GAN: variants seen among roughly 807,000 people sequenced by gnomAD.
GAN encodes the protein gigaxonin, also known as epididymis secretory sperm binding protein.
GAN carries 48 observed loss-of-function variants against 71.3 expected under a neutral mutation model. That is an observed-to-expected ratio of 0.67 (90% CI 0.53 to 0.86). GAN has a LOEUF of 0.86. GAN is among the 40% of genes least tolerant of loss of function. GAN has a pLI of 0.00. For synonymous variants in GAN, 386 were observed against 276.8 expected, an observed-to-expected ratio of 1.39 and a Z score of -3.92; for missense variants, 928 against 770.1, an observed-to-expected ratio of 1.21 and a Z score of -2.43.
intron 1 of GAN, among the ~76,000 whole-genome samples, chr16:81,330,389 C>T (rs1477158240): frequency 6.6e-6 from 1 of 152,232 alleles, no homozygotes; most frequent in African/African-American, 2.4e-5. Flanking sequence ...GTGCAGGGCA[C>T]AGGAGCCACC....
Position 81,363,697 on chromosome 16 carries a change from A to G in GAN, c.1087-97A>G, listed in dbSNP as rs1008448428. 7 of 1,293,860 alleles carry G rather than the reference A, an allele frequency of 5.4e-6. No homozygotes were observed. The East Asian group carries it at 1.2e-4, about 21-fold the overall frequency. The allele number at this position is 1,293,860 out of a possible 1,614,324, so 80.1% of individuals were successfully genotyped here. On this transcript the variant is annotated intron_variant, in intron 6 of 10. Transcript: ENST00000648994. ...GGAGTCCCCATTGTCTATTTTTGCCATCTTTATGTTTCTCTAATTTTTATT... is the reference window on the plus strand; with the variant it reads ...GGAGTCCCCATTGTCTATTTTTGCCGTCTTTATGTTTCTCTAATTTTTATT...
Position 81,386,566 on chromosome 16 carries a change from G to A in GAN, c.*8970G>A, listed in dbSNP as rs1164252158. The A allele has an allele frequency of 6.6e-6, 1 of 152,228 alleles. No individual in the cohort carries two copies. Among genetic ancestry groups the A allele is most frequent in the African/African-American group, 2.4e-5 (1 of 41,470 alleles). 9.4% of individuals were successfully genotyped at this position (152,228 alleles called of 1,614,324 possible). ...TTTTCCTGGTTAGGTTATGAGACTG[G>A]CAGAGGTAGGAGTATATAATGTGCT... is the stretch of plus-strand genomic sequence containing the variant. On this transcript the variant is annotated 3_prime_UTR_variant, in exon 11 of 11. Coordinates refer to ENST00000648994, the MANE Select transcript of GAN (RefSeq NM_022041.4).
At chr16:81,340,358 A>G (rs1437030657) in intron 1 of GAN, among the ~76,000 whole-genome samples, 1 of 152,216 alleles carries the variant, frequency 6.6e-6, no homozygotes, top group Non-Finnish European at 1.5e-5. Context: ...AAAATAAAAG[A>G]AAACAATAAA....
rs1909504715 is a variant in GAN, at chr16:81,329,580, A to G, written c.167+14300A>G. Among the ~76,000 whole-genome samples the G allele has an allele frequency of 2.6e-5, 4 of 152,310 alleles. No homozygotes were observed. The South Asian group carries it at 8.3e-4, about 32-fold the overall frequency. ...CTCCATCAAAACTGTTCTTTAAAAA[A>G]TTGCAGTGTATAATTGCCAAATCAA... On this transcript the variant is annotated intron_variant, in intron 1 of 10. Transcript: ENST00000648994.
At position 81,335,679 on chromosome 16, in the gene GAN, G is replaced by A. The variant is rs553841849; in HGVS notation, c.168-15904G>A. The stretch of plus-strand genomic sequence containing the variant: ...GGAGAATCGCTTGAACTCGGGAGGC[G>A]GAGGTTGCAGTGAGCCAAGATCACG... On this transcript the variant is annotated intron_variant, in intron 1 of 10. Coordinates refer to ENST00000648994, the MANE Select transcript of GAN (RefSeq NM_022041.4). Among the ~76,000 whole-genome samples the A allele has an allele frequency of 2.1e-4, 31 of 149,324 alleles. No individual in the cohort carries two copies. The South Asian group carries it at 2.7e-3, about 13-fold the overall frequency.
rs1040406974 is a variant in GAN, at chr16:81,380,102, C to G, written c.*2506C>G. 6.6e-6 allele frequency: 1 copy of G among 152,532 alleles called. No individual in the cohort carries two copies. 9.4% of individuals were successfully genotyped at this position (152,532 alleles called of 1,614,324 possible). A position where few individuals can be genotyped will look rare whatever the true frequency, so the allele number is the denominator to read the frequency against. On this transcript the variant is annotated 3_prime_UTR_variant, in exon 11 of 11. Coordinates refer to ENST00000648994, the MANE Select transcript of GAN (RefSeq NM_022041.4). ...AAGTATAGGGATGTATTTAATTTTACTATGCTCCAACATTAATCATGACTC... is the reference window on the plus strand; with the variant it reads ...AAGTATAGGGATGTATTTAATTTTAGTATGCTCCAACATTAATCATGACTC...
chr16:81,336,021 A>C (rs942172938), intron 1 of GAN, among the ~76,000 whole-genome samples: 13 of 152,142 alleles, frequency 8.5e-5, no homozygotes, highest in Non-Finnish European at 1.6e-4. Flanking sequence ...GTTCCCAGGC[A>C]GGTCACCAAG....
At position 81,363,780 on chromosome 16, in the gene GAN, T is replaced by C. The variant is rs749908145; in HGVS notation, c.1087-14T>C. The C allele has an allele frequency of 2.5e-6, 4 of 1,612,070 alleles. No individual in the cohort carries two copies. Among genetic ancestry groups the C allele is most frequent in the South Asian group, 1.1e-5 (1 of 91,020 alleles). ...TTGGCCTTGTGTGTTCAGGGATCGC[T>C]AATGTAATTTCAGGCAAGACATAAC... On this transcript the variant is annotated splice_polypyrimidine_tract_variant and intron_variant, in intron 6 of 10. Coordinates refer to ENST00000648994, the MANE Select transcript of GAN (RefSeq NM_022041.4).
intron 1 of GAN, among the ~76,000 whole-genome samples, chr16:81,337,809 AT>A (rs1909814344): frequency 6.6e-6 from 1 of 152,164 alleles, no homozygotes; most frequent in Non-Finnish European, 1.5e-5. Flanking sequence ...GAACAGAAAA[AT>A]TTTTTAAAAA....
chr16:81,379,407 A>C lies in GAN; in HGVS notation c.*1811A>C, dbSNP rs1904294456. On this transcript the variant is annotated 3_prime_UTR_variant, in exon 11 of 11. Transcript: ENST00000648994. ...AGAAGGTGTAAGGTTTTTATCTTAT[A>C]TGCCAGAGGCACCAGGCCAGATGTG... The C allele has an allele frequency of 6.6e-6, 1 of 152,244 alleles. No homozygotes were observed. Among genetic ancestry groups the C allele is most frequent in the Admixed American group, 6.5e-5 (1 of 15,288 alleles). The allele number at this position is 152,244 out of a possible 1,614,324, so 9.4% of individuals were successfully genotyped here.
intron 1 of GAN, among the ~76,000 whole-genome samples, chr16:81,342,776 A>G (rs1426179297): frequency 1.3e-5 from 2 of 152,226 alleles, no homozygotes; most frequent in African/African-American, 2.4e-5. Context: ...AGAAATAACT[A>G]AGATCAGAGC....
chr16:81,378,666 C>G lies in GAN; in HGVS notation c.*1070C>G, dbSNP rs1460125074. The G allele has an allele frequency of 6.6e-6, 1 of 152,572 alleles. No individual in the cohort carries two copies. Among genetic ancestry groups the G allele is most frequent in the Non-Finnish European group, 1.5e-5 (1 of 68,022 alleles). 9.5% of individuals were successfully genotyped at this position (152,572 alleles called of 1,614,324 possible). On this transcript the variant is annotated 3_prime_UTR_variant, in exon 11 of 11. Transcript: ENST00000648994. Reference sequence around the variant, plus strand: ...ATCTAGTCTTTGTAATAGAAGTTTCCCAGTGGCATTCACTAGTGAGAGTTT... The same window carrying G: ...ATCTAGTCTTTGTAATAGAAGTTTCGCAGTGGCATTCACTAGTGAGAGTTT...
Position 81,363,870 on chromosome 16 carries a change from T to G in GAN, c.1163T>G (p.Leu388Arg). Residue 388 changes from leucine (L) to arginine (R), a missense_variant, in exon 7 of 11, where the codon CTG becomes CGG. Transcript: ENST00000648994. The stretch of plus-strand genomic sequence containing the variant: ...GGAGGAGAGGATGGTGAAAAGGAGC[T>G]GATTTCCATGGAGTGTTACGATATT... ...ILGGEDGEKE[L>R]ISMECYDIYS... 1 of 1,611,254 alleles carries G rather than the reference T, an allele frequency of 6.2e-7. No homozygotes were observed. Among genetic ancestry groups the G allele is most frequent in the South Asian group, 1.1e-5 (1 of 91,048 alleles).
At chr16:81,334,467 A>G (rs1909688194) in intron 1 of GAN, among the ~76,000 whole-genome samples, 1 of 152,168 alleles carries the variant, frequency 6.6e-6, no homozygotes, top group Non-Finnish European at 1.5e-5. Flanking sequence ...CTTCCCAGGC[A>G]GGGCACATGT....
chr16:81,362,733 T>A, intron 6 of GAN, 122 bp downstream of exon 6: 2 of 716,110 alleles, frequency 2.8e-6, no homozygotes, highest in South Asian at 1.5e-5. Flanking sequence ...CCTCATTCGC[T>A]CCAACCTCTC....
intron 4 of GAN, 105 bp from the exon 5 acceptor site, chr16:81,357,705 A>G (rs1910537331): frequency 8.8e-7 from 1 of 1,138,832 alleles, no homozygotes; most frequent in Non-Finnish European, 1.3e-6. Context: ...AGGGTTTTTA[A>G]AAAATGTTTT....
In GAN at chr16:81,377,824, C is replaced by T. The variant is rs1366627360; in HGVS notation, c.*228C>T. On this transcript the variant is annotated 3_prime_UTR_variant, in exon 11 of 11. Transcript: ENST00000648994. ...AGTGAGTTCCTCCAGTTAAATGTGG[C>T]TGTAGATGTTGGAGGCTAGGGAGGC... 1.7e-6 allele frequency: 1 copy of T among 580,030 alleles called. No homozygotes were observed. The highest frequency in any genetic ancestry group is 1.9e-5 in the African/African-American group (1 of 53,594). The allele number at this position is 580,030 out of a possible 1,614,324, so 35.9% of individuals were successfully genotyped here.
chr16:81,365,183 G>C, intron 8 of GAN, 73 bp downstream of exon 8: 1 of 1,580,128 alleles, frequency 6.3e-7, no homozygotes, highest in African/African-American at 1.3e-5. Context: ...ACCCTGCCTG[G>C]CTTTTGTTCT....
At position 81,377,435 on chromosome 16, in the gene GAN, C is replaced by T. The variant is rs112201678; in HGVS notation, c.1633C>T (p.Arg545Cys). Residue 545 changes from arginine (R) to cysteine (C), a missense_variant, in exon 11 of 11, where the codon CGT becomes TGT. Coordinates refer to ENST00000648994, the MANE Select transcript of GAN (RefSeq NM_022041.4). ...CTTAGGTACCAATTACGACTACGTGCGTGAGTTTAAAAGAAGCACAGGAAC... is the reference window on the plus strand; with the variant it reads ...CTTAGGTACCAATTACGACTACGTGTGTGAGTTTAAAAGAAGCACAGGAAC... ...LDTGTNYDYVREFKRSTGTWH... is the reference protein window; with the variant it reads ...LDTGTNYDYVCEFKRSTGTWH... The T allele has an allele frequency of 3.1e-6, 5 of 1,613,918 alleles. No homozygotes were observed. The highest frequency in any genetic ancestry group is 2.2e-5 in the East Asian group (1 of 44,888).
Sources: gnomAD v4.1 joint callset for allele counts (sites outside exome capture counted in the v4.1 genomes callset) on GRCh38, gnomAD v4.1.1 for gene constraint, MANE v1.5 for transcripts, NCBI Gene and HGNC (gene_info 2026-07-23, HGNC 2026-07-21) for gene names.